FAM222A: variants seen among roughly 807,000 people sequenced by gnomAD.
FAM222A encodes family with sequence similarity 222 member A.
In FAM222A, 7 loss-of-function variants were observed where a neutral mutation model predicts 25.8. The ratio of observed to expected loss-of-function variants is 0.27; its 90% CI spans 0.15 to 0.51. The LOEUF is 0.51. FAM222A is among the 20% of genes least tolerant of loss of function. The pLI, the probability that FAM222A is intolerant of heterozygous loss-of-function variation, is 0.97. For synonymous variants in FAM222A, 294 were observed against 298.8 expected, an observed-to-expected ratio of 0.98 and a Z score of 0.17; for missense variants, 573 against 640.5, an observed-to-expected ratio of 0.89 and a Z score of 1.14.
At chr12:109,754,306 G>A (rs982122952) in intron 2 of FAM222A, among the ~76,000 whole-genome samples, 1 of 152,080 alleles carries the variant, frequency 6.6e-6, no homozygotes, top group Non-Finnish European at 1.5e-5. Flanking sequence ...AGTTGCAGTA[G>A]TCCCAGCTAC....
intron 2 of FAM222A, among the ~76,000 whole-genome samples, chr12:109,754,753 G>T (rs929066663): frequency 6.6e-6 from 1 of 151,112 alleles, no homozygotes; most frequent in African/African-American, 2.4e-5. Flanking sequence ...CTACAGCCTC[G>T]ACCTCCTGGG....
intron 2 of FAM222A, among the ~76,000 whole-genome samples, chr12:109,755,873 G>C (rs1254587736): frequency 3.3e-5 from 5 of 152,190 alleles, no homozygotes. Context: ...GATTCCTGCA[G>C]CTTTGTATTA....
At chr12:109,744,338 T>C in intron 2 of FAM222A, 110 bp downstream of exon 2, 1 of 1,450,548 alleles carries the variant, frequency 6.9e-7, no homozygotes, top group African/African-American at 1.4e-5. Context: ...CTCTATGCTC[T>C]CTTAGGCCCC....
chr12:109,768,212 C>CGCT lies in FAM222A; in HGVS notation c.283_284insGCT (p.His95delinsArgTyr), dbSNP rs763138633. 3 of 1,612,852 alleles carry CGCT rather than the reference C, an allele frequency of 1.9e-6. No homozygotes were observed. Among genetic ancestry groups the CGCT allele is most frequent in the Non-Finnish European group, 2.5e-6 (3 of 1,179,732 alleles). ...CCAGCGCTACAGCCCCTACCCACAG[C>CGCT]ACACCGCTGGCTACCAGGGCCTTCT... On this transcript the variant is annotated protein_altering_variant, in exon 3 of 3. Coordinates refer to ENST00000538780, the MANE Select transcript of FAM222A (RefSeq NM_032829.3).
chr12:109,744,486 A>G, intron 2 of FAM222A: 1 of 985,208 alleles, frequency 1.0e-6, no homozygotes, highest in South Asian at 4.7e-5. Context: ...GACCACCACC[A>G]TCGCCATGCC....
chr12:109,756,795 GGT>G (rs1888745070), intron 2 of FAM222A, among the ~76,000 whole-genome samples: 1 of 152,096 alleles, frequency 6.6e-6, no homozygotes, highest in Non-Finnish European at 1.5e-5. Flanking sequence ...ATGGCTATAT[GGT>G]CCATAGTTTT....
intron 1 of FAM222A, among the ~76,000 whole-genome samples, chr12:109,729,018 A>G (rs1207629318): frequency 6.6e-6 from 1 of 151,284 alleles, no homozygotes; most frequent in Admixed American, 6.6e-5. Context: ...GACAGGTCAC[A>G]TGGCTGCCCA....
chr12:109,750,871 A>G (rs1888540965), intron 2 of FAM222A, among the ~76,000 whole-genome samples: 1 of 94,866 alleles, frequency 1.1e-5, no homozygotes, highest in African/African-American at 3.9e-5. Context: ...GCCATGGAGA[A>G]GCTGAGGACT....
At chr12:109,760,283 G>A (rs1888856306) in intron 2 of FAM222A, among the ~76,000 whole-genome samples, 1 of 152,220 alleles carries the variant, frequency 6.6e-6, no homozygotes, top group African/African-American at 2.4e-5. Context: ...CCGGAGAGCA[G>A]TCTGTTCAGG....
At chr12:109,731,444 T>A (rs10128941) in intron 1 of FAM222A, among the ~76,000 whole-genome samples, 1 of 152,128 alleles carries the variant, frequency 6.6e-6, no homozygotes, top group Non-Finnish European at 1.5e-5. Flanking sequence ...GAGCAAATCC[T>A]CTTCCTCTCG....
At chr12:109,739,276 A>T (rs1888171564) in intron 1 of FAM222A, among the ~76,000 whole-genome samples, 1 of 152,228 alleles carries the variant, frequency 6.6e-6, no homozygotes, top group African/African-American at 2.4e-5. Flanking sequence ...AAAGTTCCAG[A>T]TGCCTGCCAC....
intron 1 of FAM222A, among the ~76,000 whole-genome samples, chr12:109,735,280 T>C (rs1398166309): frequency 6.6e-6 from 1 of 152,208 alleles, no homozygotes; most frequent in Non-Finnish European, 1.5e-5. Context: ...TCCGTGGGGC[T>C]TTCCTGCCTG....
intron 2 of FAM222A, 121 bp downstream of exon 2, chr12:109,744,349 C>G: frequency 7.0e-7 from 1 of 1,436,004 alleles, no homozygotes; most frequent in Non-Finnish European, 9.1e-7. Flanking sequence ...CTTAGGCCCC[C>G]AGGCCTTGGC....
rs538694450 is a variant in FAM222A at position 109,768,850 on chromosome 12, G to T, written c.921G>T (p.Thr307=). 2.1e-5 allele frequency: 33 copies of T among 1,581,896 alleles called. No individual in the cohort carries two copies. The Admixed American group carries it at 2.4e-4, about 12-fold the overall frequency. The change falls in exon 3 of 3, where the codon ACG becomes ACT. Residue 307 remains threonine, a synonymous_variant. Transcript: ENST00000538780. ...PQPLRAYSGS[T]VASKSPEACG... is the part of the protein sequence containing the mutation. ...CACTGCGTGCCTACAGTGGGAGCAC[G>T]GTGGCCAGCAAGTCCCCTGAGGCTT...
intron 1 of FAM222A, among the ~76,000 whole-genome samples, chr12:109,732,474 A>T (rs1269205969): frequency 6.6e-6 from 1 of 152,156 alleles, no homozygotes; most frequent in Non-Finnish European, 1.5e-5. Context: ...CCAGCAGCCC[A>T]TTGTCTGGCA....
chr12:109,754,712 G>C (rs1189094117), intron 2 of FAM222A, among the ~76,000 whole-genome samples: 1 of 150,302 alleles, frequency 6.7e-6, no homozygotes, highest in Non-Finnish European at 1.5e-5. Context: ...CTGTTACCCT[G>C]ACTGGTGGGC....
chr12:109,752,892 G>A (rs1471269346), intron 2 of FAM222A, among the ~76,000 whole-genome samples: 5 of 152,150 alleles, frequency 3.3e-5, no homozygotes, highest in Admixed American at 2.0e-4. Context: ...AGAGGAGGTG[G>A]GTTGCAATGA....
intron 1 of FAM222A, among the ~76,000 whole-genome samples, chr12:109,728,627 T>C (rs1443419904): frequency 6.6e-6 from 1 of 152,210 alleles, no homozygotes; most frequent in Non-Finnish European, 1.5e-5. Flanking sequence ...CCTCACCATC[T>C]GCAGGGCTAA....
At chr12:109,761,574 G>A (rs1180337243) in intron 2 of FAM222A, among the ~76,000 whole-genome samples, 1 of 152,202 alleles carries the variant, frequency 6.6e-6, no homozygotes, top group Non-Finnish European at 1.5e-5. Context: ...CTTCCAGAGA[G>A]AAGGAGAGAG....
Sources: gnomAD v4.1 joint callset for allele counts (sites outside exome capture counted in the v4.1 genomes callset) on GRCh38, gnomAD v4.1.1 for gene constraint, MANE v1.5 for transcripts, NCBI Gene and HGNC (gene_info 2026-07-23, HGNC 2026-07-21) for gene names.